Variants in THADA observed in about 807,000 individuals in gnomAD.
The protein encoded by THADA is tRNA (32-2'-O)-methyltransferase regulator THADA.
A neutral mutation model predicts 219.8 loss-of-function variants in THADA; 213 were observed. That is an observed-to-expected ratio of 0.97 (90% CI 0.87 to 1.09). THADA has a LOEUF of 1.09. Among genes scored for constraint, THADA ranks in the 50% least tolerant of loss-of-function variants. THADA has a pLI of 0.00. For missense variants in THADA, 2,956 were observed against 2,311.3 expected, an observed-to-expected ratio of 1.28 and a Z score of -5.72; for synonymous variants, 1,018 against 828.9, an observed-to-expected ratio of 1.23 and a Z score of -3.92.
At chr2:43,536,304 A>G (rs187635503) in intron 21 of THADA, among the ~76,000 whole-genome samples, 2 of 152,148 alleles carry the variant, frequency 1.3e-5, no homozygotes, top group East Asian at 1.9e-4. Flanking sequence ...CCACTGGTCT[A>G]TGTGTCTGTT....
intron 15 of THADA, chr2:43,566,227 C>T: frequency 4.5e-6 from 2 of 445,012 alleles, no homozygotes; most frequent in Non-Finnish European, 8.0e-6. Flanking sequence ...AATCAGAATA[C>T]TTGGAAATTA....
chr2:43,539,075 T>G (rs1694969335), intron 21 of THADA, among the ~76,000 whole-genome samples: 1 of 152,260 alleles, frequency 6.6e-6, no homozygotes, highest in African/African-American at 2.4e-5. Context: ...GAGAGAAAAG[T>G]AGATCACAGT....
intron 26 of THADA, among the ~76,000 whole-genome samples, chr2:43,451,997 C>T (rs1682403007): frequency 6.6e-6 from 1 of 152,070 alleles, no homozygotes; most frequent in African/African-American, 2.4e-5. Flanking sequence ...GTCCCAGCTA[C>T]TCGGGAGGCT....
intron 36 of THADA, among the ~76,000 whole-genome samples, chr2:43,248,162 TATAGAGAGAGAGAGAG>T (rs1669409342): frequency 9.0e-4 from 40 of 44,398 alleles, no homozygotes; most frequent in African/African-American, 2.7e-3. Flanking sequence ...TATATATATA[TATAGAGAGAGAGAGAG>T]AGAGAGAGAG....
At chr2:43,508,374 C>T (rs1182140205) in intron 23 of THADA, among the ~76,000 whole-genome samples, 1 of 152,058 alleles carries the variant, frequency 6.6e-6, no homozygotes, top group East Asian at 1.9e-4. Flanking sequence ...GACTGTGCCA[C>T]AGTGATGTCT....
intron 29 of THADA, among the ~76,000 whole-genome samples, chr2:43,351,220 C>T (rs910308622): frequency 1.3e-5 from 2 of 152,186 alleles, no homozygotes; most frequent in African/African-American, 4.8e-5. Context: ...GTTCAAAATC[C>T]ATCAATGACT....
chr2:43,350,076 G>T (rs1668076391), intron 29 of THADA, among the ~76,000 whole-genome samples: 1 of 152,140 alleles, frequency 6.6e-6, no homozygotes, highest in East Asian at 1.9e-4. Flanking sequence ...TACAGTATAG[G>T]GTGATGTCAG....
In THADA at chr2:43,464,809, C is replaced by T. The variant is rs1684042788; in HGVS notation, c.3836+20425G>A. On this transcript the variant is annotated intron_variant, in intron 26 of 37. Transcript: ENST00000405975. ...CTCCACTATCCACTCCTCCTGCTTC[C>T]CCCGCAGGACTGTATTTTCAAACTA... Among the ~76,000 whole-genome samples the T allele has an allele frequency of 2.6e-5, 4 of 152,090 alleles. No homozygotes were observed. In the South Asian group the frequency reaches 8.3e-4, roughly 32 times the overall value.
chr2:43,535,168 C>CTTTTTTTTT (rs549879408), intron 21 of THADA, among the ~76,000 whole-genome samples: 82 of 52,534 alleles, frequency 1.6e-3, no homozygotes, highest in East Asian at 3.8e-3. Context: ...ATCATTTGTC[C>CTTTTTTTTT]TTTTTTTTTT....
At chr2:43,516,240 TA>T (rs1297753821) in intron 22 of THADA, among the ~76,000 whole-genome samples, 2 of 152,166 alleles carry the variant, frequency 1.3e-5, no homozygotes, top group African/African-American at 4.8e-5. Flanking sequence ...GTAATCCTTT[TA>T]AAAGATGAGA....
At chr2:43,567,272 G>T (rs765333405) in intron 14 of THADA, among the ~76,000 whole-genome samples, 2 of 151,998 alleles carry the variant, frequency 1.3e-5, no homozygotes, top group African/African-American at 4.8e-5. Context: ...AAGAAATAGG[G>T]CCATTACTGA....
At chr2:43,261,587 A>C (rs1443373579) in intron 36 of THADA, among the ~76,000 whole-genome samples, 1 of 149,230 alleles carries the variant, frequency 6.7e-6, no homozygotes, top group Non-Finnish European at 1.5e-5. Context: ...CAGCCTCCCA[A>C]GTAGGTGGGA....
chr2:43,435,055 GA>G (rs974455491), intron 26 of THADA, among the ~76,000 whole-genome samples: 7 of 152,210 alleles, frequency 4.6e-5, no homozygotes, highest in Non-Finnish European at 8.8e-5. Flanking sequence ...CACACCTTGT[GA>G]GGGGGACTCA....
intron 15 of THADA, chr2:43,564,415 G>C (rs532489990): frequency 6.6e-6 from 1 of 152,414 alleles, no homozygotes; most frequent in African/African-American, 2.4e-5. Context: ...ATGGCCTGTA[G>C]CCATCTCATG....
chr2:43,246,522 A>C, intron 36 of THADA, among the ~76,000 whole-genome samples: 1 of 151,378 alleles, frequency 6.6e-6, no homozygotes. Context: ...AAACAAACAA[A>C]AAAAAACAGA....
At chr2:43,258,859 GT>G (rs1341790421) in intron 36 of THADA, among the ~76,000 whole-genome samples, 1 of 152,144 alleles carries the variant, frequency 6.6e-6, no homozygotes, top group African/African-American at 2.4e-5. Context: ...AGCTGAGGCT[GT>G]TTTGGCCCCC....
intron 35 of THADA, among the ~76,000 whole-genome samples, chr2:43,285,390 C>T (rs1472901689): frequency 1.3e-5 from 2 of 152,098 alleles, no homozygotes; most frequent in Non-Finnish European, 2.9e-5. Flanking sequence ...AAGTGTGTGG[C>T]ACTTCTTCCT....
At chr2:43,341,152 G>A (rs1353405747) in intron 30 of THADA, among the ~76,000 whole-genome samples, 1 of 152,206 alleles carries the variant, frequency 6.6e-6, no homozygotes, top group African/African-American at 2.4e-5. Context: ...GGAGCAAAAG[G>A]AAGCCTGGTG....
At chr2:43,258,042 T>C (rs1231877263) in intron 36 of THADA, among the ~76,000 whole-genome samples, 1 of 152,174 alleles carries the variant, frequency 6.6e-6, no homozygotes, top group African/African-American at 2.4e-5. Context: ...TGACACCTCC[T>C]ACTGCTCTTG....
Sources: gnomAD v4.1 joint callset for allele counts (sites outside exome capture counted in the v4.1 genomes callset) on GRCh38, gnomAD v4.1.1 for gene constraint, MANE v1.5 for transcripts, NCBI Gene and HGNC (gene_info 2026-07-23, HGNC 2026-07-21) for gene names.